The following RBFOX1 variants were observed in gnomAD, a reference collection of about 807,000 sequenced individuals.
RBFOX1 encodes RNA binding protein fox-1 homolog 1.
Under a neutral mutation model 57.7 loss-of-function variants are expected in RBFOX1, and 8 were observed. That is an observed-to-expected ratio of 0.14 (90% CI 0.08 to 0.25). RBFOX1 has a LOEUF of 0.25. Among genes scored for constraint, RBFOX1 ranks in the 10% least tolerant of loss-of-function variants. The pLI is 1.00. For synonymous variants in RBFOX1, 326 were observed against 222.4 expected (o/e 1.47, Z -4.15); for missense variants, 611 against 548.5 (o/e 1.11, Z -1.14).
At chr16:5,720,205 C>T (rs763567849) in intron 3 of RBFOX1, among the ~76,000 whole-genome samples, 10 of 152,066 alleles carry the variant, frequency 6.6e-5, no homozygotes, top group Admixed American at 2.6e-4. Context: ...GCTTACTGGT[C>T]ATTTGTAGTA....
At chr16:6,014,924 C>A (rs2094984089), upstream of RBFOX1, among the ~76,000 whole-genome samples, 1 of 151,212 alleles carries the variant, frequency 6.6e-6, no homozygotes, top group Non-Finnish European at 1.5e-5. Context: ...GGTGTGGTTG[C>A]AGCTTTCTGT....
intron 13 of RBFOX1, among the ~76,000 whole-genome samples, chr16:7,666,875 C>T (rs2069498090): frequency 6.6e-6 from 1 of 152,130 alleles, no homozygotes; most frequent in South Asian, 2.1e-4. Flanking sequence ...TTGGGCCAAG[C>T]CCACTGGGTG....
At chr16:7,218,772 A>T (rs2092478377) in intron 4 of RBFOX1, among the ~76,000 whole-genome samples, 1 of 143,682 alleles carries the variant, frequency 7.0e-6, no homozygotes, top group East Asian at 2.0e-4. Flanking sequence ...ATTGCCTTTT[A>T]TTTTTTCTCT....
chr16:5,693,824 G>A (rs1048966882), intron 3 of RBFOX1, among the ~76,000 whole-genome samples: 1 of 152,138 alleles, frequency 6.6e-6, no homozygotes, highest in Non-Finnish European at 1.5e-5. Context: ...CTCAAACTCA[G>A]CTCAAGTATT....
chr16:5,658,601 C>A (rs1323842541), intron 3 of RBFOX1, among the ~76,000 whole-genome samples: 1 of 152,020 alleles, frequency 6.6e-6, no homozygotes, highest in Admixed American at 6.6e-5. Flanking sequence ...TGAGAAGATA[C>A]TATGTTTGGT....
At chr16:5,874,344 T>G (rs1028854049) in intron 4 of RBFOX1, among the ~76,000 whole-genome samples, 4 of 152,092 alleles carry the variant, frequency 2.6e-5, no homozygotes, top group African/African-American at 9.7e-5. Context: ...TTGGGTATAT[T>G]GTAGTCTTGG....
chr16:5,564,246 G>A (rs1257450771), intron 2 of RBFOX1, among the ~76,000 whole-genome samples: 1 of 151,922 alleles, frequency 6.6e-6, no homozygotes, highest in South Asian at 2.1e-4. Context: ...TTGAACTCCT[G>A]ACCTCAGGTA....
chr16:6,497,237 AGAG>A (rs1173788237), intron 2 of RBFOX1, among the ~76,000 whole-genome samples: 2 of 152,200 alleles, frequency 1.3e-5, no homozygotes, highest in African/African-American at 4.8e-5. Context: ...GGCTGGAGAA[AGAG>A]GAGGAGCTTG....
At chr16:5,435,817 T>C (rs1294176023) in intron 1 of RBFOX1, among the ~76,000 whole-genome samples, 1 of 152,272 alleles carries the variant, frequency 6.6e-6, no homozygotes, top group Non-Finnish European at 1.5e-5. Context: ...AGCATTCCAC[T>C]GTGTGGATAA....
At chr16:5,241,155 G>T (rs1446304917) in intron 1 of RBFOX1, among the ~76,000 whole-genome samples, 1 of 152,210 alleles carries the variant, frequency 6.6e-6, no homozygotes, top group African/African-American at 2.4e-5. Context: ...GGCTGCCTCA[G>T]AGCCCCCCCT....
intron 1 of RBFOX1, among the ~76,000 whole-genome samples, chr16:6,073,867 TTGG>T (rs1202110405): frequency 6.6e-6 from 1 of 152,056 alleles, no homozygotes; most frequent in African/African-American, 2.4e-5. Context: ...GAAATAGAAA[TTGG>T]TGGAGGGCCT....
At chr16:5,819,412 A>G (rs575462183) in intron 3 of RBFOX1, among the ~76,000 whole-genome samples, 34 of 152,284 alleles carry the variant, frequency 2.2e-4, no homozygotes, top group African/African-American at 6.7e-4. Flanking sequence ...ATATCTTCCT[A>G]TGGTGCCTCT....
intron 3 of RBFOX1, among the ~76,000 whole-genome samples, chr16:5,617,582 G>A (rs992895130): frequency 4.6e-5 from 7 of 152,236 alleles, no homozygotes; most frequent in Non-Finnish European, 8.8e-5. Flanking sequence ...AGGTGCATAT[G>A]TCTTCTGCAT....
At chr16:7,171,424 G>T (rs1371140105) in intron 4 of RBFOX1, among the ~76,000 whole-genome samples, 2 of 152,152 alleles carry the variant, frequency 1.3e-5, no homozygotes, top group African/African-American at 4.8e-5. Context: ...TCCCTGTTTT[G>T]TATGTTCCCT....
intron 1 of RBFOX1, among the ~76,000 whole-genome samples, chr16:6,162,191 C>G (rs190557737): frequency 2.1e-4 from 32 of 152,288 alleles, no homozygotes; most frequent in African/African-American, 7.7e-4. Context: ...CATCTTGGCT[C>G]ACTGCAACTT....
At chr16:6,782,239 T>G (rs1232674702) in intron 3 of RBFOX1, among the ~76,000 whole-genome samples, 3 of 152,194 alleles carry the variant, frequency 2.0e-5, no homozygotes, top group African/African-American at 7.2e-5. Context: ...TCTCTTGACC[T>G]CGTGGTCTGC....
At chr16:7,533,780 C>T (rs1217094773) in intron 5 of RBFOX1, among the ~76,000 whole-genome samples, 2 of 152,162 alleles carry the variant, frequency 1.3e-5, no homozygotes, top group Non-Finnish European at 2.9e-5. Flanking sequence ...AGTTAGGAAT[C>T]ATCTGTACTG....
intron 1 of RBFOX1, among the ~76,000 whole-genome samples, chr16:6,230,556 T>C (rs554308634): frequency 1.3e-5 from 2 of 152,258 alleles, no homozygotes; most frequent in African/African-American, 4.8e-5. Context: ...TTTATTCAAC[T>C]CACAATTCCG....
intron 1 of RBFOX1, among the ~76,000 whole-genome samples, chr16:6,278,198 C>T (rs2076023659): frequency 1.3e-5 from 2 of 151,924 alleles, no homozygotes; most frequent in African/African-American, 4.8e-5. Flanking sequence ...ACCACGTTGC[C>T]CCTTTCGGCT....
Sources: gnomAD v4.1 joint callset for allele counts (sites outside exome capture counted in the v4.1 genomes callset) on GRCh38, gnomAD v4.1.1 for gene constraint, MANE v1.5 for transcripts, NCBI Gene and HGNC (gene_info 2026-07-23, HGNC 2026-07-21) for gene names.